The following CEP78 variants were observed in gnomAD, a reference collection of about 807,000 sequenced individuals.
CEP78 encodes centrosomal protein of 78 kDa.
In CEP78, 76 loss-of-function variants were observed where a neutral mutation model predicts 81.2. The ratio of observed to expected loss-of-function variants is 0.94; its 90% CI spans 0.78 to 1.13. The LOEUF is 1.13. CEP78 is among the 50% of genes most tolerant of loss of function. The probability of loss-of-function intolerance (pLI) is 0.00; values close to 1 mark genes in which losing one functional copy is unlikely to be tolerated. For missense variants in CEP78, 918 were observed against 846.8 expected (o/e 1.08, Z -1.04); for synonymous variants, 293 against 301.4 (o/e 0.97, Z 0.29).
intron 11 of CEP78, among the ~76,000 whole-genome samples, chr9:78,256,310 A>T (rs190229732): frequency 3.3e-5 from 5 of 152,296 alleles, no homozygotes; most frequent in Admixed American, 3.3e-4. Context: ...CAGTTTGTAT[A>T]TGGAAGAGTT....
chr9:78,243,216 A>G (rs1396098138), intron 4 of CEP78, among the ~76,000 whole-genome samples: 1 of 152,310 alleles, frequency 6.6e-6, no homozygotes, highest in Non-Finnish European at 1.5e-5. Flanking sequence ...GTCAGTTTAC[A>G]TAAAGCAATC....
chr9:78,265,443 CTTCT>C lies in CEP78; in HGVS notation c.1698_1701del (p.Ser567LeufsTer25), dbSNP rs1306330581. On this transcript the variant is annotated frameshift_variant, in exon 14 of 17. Coordinates refer to ENST00000643273, the MANE Select transcript of CEP78 (RefSeq NM_001330691.3). LOFTEE classifies it high-confidence loss of function. ...CAATTACTAGGTCATCCCCAGATGA[CTTCT>C]ACTGTTAGTAATCCACCTAAAGAAG... 3.1e-6 allele frequency: 5 copies of C among 1,601,064 alleles called. No individual in the cohort carries two copies. The highest frequency in any genetic ancestry group is 4.3e-6 in the Non-Finnish European group (5 of 1,173,378).
In CEP78 at chr9:78,262,954, A is replaced by G. The variant is rs1827342841; in HGVS notation, c.1428A>G (p.Ile476Met). 5.2e-6 allele frequency: 8 copies of G among 1,546,274 alleles called. No homozygotes were observed. Among genetic ancestry groups the G allele is most frequent in the Non-Finnish European group, 7.0e-6 (8 of 1,143,964 alleles). The change falls in exon 12 of 17, where the codon ATA becomes ATG. Residue 476 changes from isoleucine to methionine, a missense_variant. Physicochemically the swap from Ile to Met is conservative, Grantham distance 10. Transcript: ENST00000643273. ...AGCAGTTAAAGGAAGAAAGAGTGATAAGGCTTAAGGTTGATAAACGAGTCA... is the reference window on the plus strand; with the variant it reads ...AGCAGTTAAAGGAAGAAAGAGTGATGAGGCTTAAGGTTGATAAACGAGTCA... Reference protein sequence around the residue: ...CLKQLKEERVIRLKVDKRVSE... With the variant: ...CLKQLKEERVMRLKVDKRVSE...
chr9:78,279,484 T>C lies in CEP78; in HGVS notation c.*8633T>C, dbSNP rs575475390. ...AACCTACAAGGAGTAAAAGGTGTTA[T>C]TATTTTAAAGAAGAAGGAATGAGGC... On this transcript the variant is annotated 3_prime_UTR_variant, in exon 17 of 17. Transcript: ENST00000643273. 2 of 152,338 alleles carry C rather than the reference T, an allele frequency of 1.3e-5. No homozygotes were observed. Among genetic ancestry groups the C allele is most frequent in the Admixed American group, 1.3e-4 (2 of 15,306 alleles). 9.4% of individuals were successfully genotyped at this position (152,338 alleles called of 1,614,324 possible).
chr9:78,264,156 C>T lies in CEP78; in HGVS notation c.1465C>T (p.His489Tyr), dbSNP rs1827402668. 1 of 1,451,084 alleles carries T rather than the reference C, an allele frequency of 6.9e-7. No individual in the cohort carries two copies. Among genetic ancestry groups the T allele is most frequent in the Non-Finnish European group, 9.1e-7 (1 of 1,097,340 alleles). 89.9% of individuals were successfully genotyped at this position (1,451,084 alleles called of 1,614,324 possible). A position where few individuals can be genotyped will look rare whatever the true frequency, so the allele number is the denominator to read the frequency against. Residue 489 changes from histidine (H) to tyrosine (Y), a missense_variant, in exon 13 of 17, where the codon CAT becomes TAT. Physicochemically the swap from His to Tyr is moderately conservative, Grantham distance 83. Coordinates refer to ENST00000643273, the MANE Select transcript of CEP78 (RefSeq NM_001330691.3). ...KVDKRVSELE[H>Y]ENAQLRNINF... Reference sequence around the variant, plus strand: ...TTTCAATCTTCTTTTATAGCTGGAACATGAAAATGCCCAGTTAAGAAATAT... The same window carrying T: ...TTTCAATCTTCTTTTATAGCTGGAATATGAAAATGCCCAGTTAAGAAATAT...
In CEP78 at chr9:78,236,452, G is replaced by A; in HGVS notation, c.102G>A (p.Val34=). ...ALQNSVPLPA[V]RACLREGVLD... is the part of the protein sequence containing the mutation. ...AGAACTCGGTGCCGCTGCCCGCCGT[G>A]CGCGCCTGTCTCCGGGAGGGCGTGC... Residue 34 remains valine, a synonymous_variant, in exon 1 of 17, where the codon GTG becomes GTA. Transcript: ENST00000643273. The A allele has an allele frequency of 1.2e-6, 2 of 1,604,988 alleles. No homozygotes were observed. Among genetic ancestry groups the A allele is most frequent in the Middle Eastern group, 1.7e-4 (1 of 6,050 alleles).
chr9:78,258,562 G>A (rs868280539), intron 11 of CEP78, among the ~76,000 whole-genome samples: 33 of 152,130 alleles, frequency 2.2e-4, no homozygotes, highest in Middle Eastern at 3.4e-3. Context: ...TGAGAGGAGT[G>A]GCTATAAGTA....
chr9:78,239,537 G>T (rs888897007), intron 1 of CEP78, among the ~76,000 whole-genome samples: 2 of 152,036 alleles, frequency 1.3e-5, no homozygotes, highest in Non-Finnish European at 2.9e-5. Context: ...ACCTGCTAGG[G>T]GTATCCTTAA....
chr9:78,238,665 A>G (rs867779430), intron 1 of CEP78, among the ~76,000 whole-genome samples: 8 of 152,190 alleles, frequency 5.3e-5, no homozygotes, highest in Admixed American at 3.3e-4. Flanking sequence ...AGTTCAACAC[A>G]TCTGCTTCTG....
At chr9:78,237,880 G>T (rs111345033) in intron 1 of CEP78, among the ~76,000 whole-genome samples, 14,191 of 150,634 alleles carry the variant, frequency 0.094, 769 homozygotes, top group African/African-American at 0.14. Flanking sequence ...AAGGCGGGGG[G>T]GTGTGGATCA....
intron 1 of CEP78, among the ~76,000 whole-genome samples, chr9:78,238,283 A>C (rs1210754653): frequency 6.6e-6 from 1 of 152,058 alleles, no homozygotes; most frequent in Non-Finnish European, 1.5e-5. Context: ...AGCCGAGTTA[A>C]CTCGAATGAG....
intron 10 of CEP78, chr9:78,253,580 T>C (rs1826869497): frequency 1.1e-5 from 3 of 284,608 alleles, no homozygotes; most frequent in Non-Finnish European, 1.3e-5. Flanking sequence ...GGAGCTATCA[T>C]AGTCAAGAAT....
At chr9:78,268,846 C>T (rs11787623) in intron 16 of CEP78, among the ~76,000 whole-genome samples, 16,477 of 151,962 alleles carry the variant, frequency 0.11, 1,218 homozygotes, top group Non-Finnish European at 0.17. Flanking sequence ...TTCGTAGAGA[C>T]GGGGTTTCAC....
intron 3 of CEP78, among the ~76,000 whole-genome samples, chr9:78,240,947 A>C (rs1826198742): frequency 6.6e-6 from 1 of 152,060 alleles, no homozygotes; most frequent in Non-Finnish European, 1.5e-5. Flanking sequence ...TGGGCGATAG[A>C]GCAAGACTCC....
Position 78,236,408 on chromosome 9 carries a change from G to C in CEP78, c.58G>C (p.Glu20Gln). 2 of 1,597,954 alleles carry C rather than the reference G, an allele frequency of 1.3e-6. No individual in the cohort carries two copies. Among genetic ancestry groups the C allele is most frequent in the Non-Finnish European group, 1.7e-6 (2 of 1,172,944 alleles). The change falls in exon 1 of 17, where the codon GAG becomes CAG. Residue 20 changes from glutamate (E) to glutamine (Q), a missense_variant. Transcript: ENST00000643273. ...CGCGGCGGACTTCTTCTCCCACTAC[G>C]AGTACCTGTGCGCGCTGCAGAACTC... is the stretch of plus-strand genomic sequence containing the variant. ...DSAADFFSHYEYLCALQNSVP... is the reference protein window; with the variant it reads ...DSAADFFSHYQYLCALQNSVP...
chr9:78,246,720 T>C lies in CEP78; in HGVS notation c.830T>C (p.Leu277Pro), dbSNP rs751411534. The change falls in exon 6 of 17, where the codon CTA becomes CCA. Residue 277 changes from leucine (L) to proline (P), a missense_variant. Physicochemically the swap from Leu to Pro is moderately conservative, Grantham distance 98. Coordinates refer to ENST00000643273, the MANE Select transcript of CEP78 (RefSeq NM_001330691.3). ...ACCAATGAAGGAGCAAAGGCTTTGC[T>C]AGAGGCCCTTGAAACCAATACAACT... ...GLTNEGAKAL[L>P]EALETNTTLV... 4 of 1,611,700 alleles carry C rather than the reference T, an allele frequency of 2.5e-6. No homozygotes were observed. The East Asian group carries it at 8.9e-5, about 36-fold the overall frequency.
At chr9:78,265,673 C>A in intron 14 of CEP78, 130 bp downstream of exon 14, 1 of 882,280 alleles carries the variant, frequency 1.1e-6, no homozygotes, top group Non-Finnish European at 1.7e-6. Context: ...GGGTCCTTTC[C>A]AAGACTGAGA....
intron 16 of CEP78, among the ~76,000 whole-genome samples, chr9:78,267,485 T>G (rs1487220832): frequency 6.6e-6 from 1 of 152,244 alleles, no homozygotes; most frequent in Non-Finnish European, 1.5e-5. Flanking sequence ...TGTTCATGGA[T>G]TATAGCAACC....
chr9:78,264,179 T>C lies in CEP78; in HGVS notation c.1488T>C (p.Asn496=). ...AACATGAAAATGCCCAGTTAAGAAA[T>C]ATAAATTTCTCTTTGTCTGAAGCCC... ...ELEHENAQLR[N]INFSLSEALH... Residue 496 remains asparagine (N), a synonymous_variant, in exon 13 of 17, where the codon AAT becomes AAC. Coordinates refer to ENST00000643273, the MANE Select transcript of CEP78 (RefSeq NM_001330691.3). The C allele has an allele frequency of 3.3e-6, 5 of 1,494,810 alleles. No individual in the cohort carries two copies. Among genetic ancestry groups the C allele is most frequent in the Non-Finnish European group, 4.5e-6 (5 of 1,120,406 alleles). The allele number at this position is 1,494,810 out of a possible 1,614,324, so 92.6% of individuals were successfully genotyped here.
Sources: allele counts gnomAD v4.1 joint callset (sites outside exome capture counted in the v4.1 genomes callset), GRCh38; gene constraint gnomAD v4.1.1; transcripts MANE v1.5; gene names NCBI Gene and HGNC (gene_info 2026-07-23, HGNC 2026-07-21).